The following ANKS1B variants were observed in gnomAD, a reference collection of about 807,000 sequenced individuals.
ANKS1B encodes ankyrin repeat and sterile alpha motif domain containing 1B.
ANKS1B carries 36 observed loss-of-function variants against 148.3 expected under a neutral mutation model. That is an observed-to-expected ratio of 0.24 (90% confidence interval 0.19 to 0.32). The LOEUF is 0.32. Among genes scored for constraint, ANKS1B ranks in the 10% least tolerant of loss-of-function variants. ANKS1B has a pLI of 1.00. For synonymous variants in ANKS1B, 542 were observed against 560.8 expected, an observed-to-expected ratio of 0.97 and a Z score of 0.47; for missense variants, 1,157 against 1,542.6, an observed-to-expected ratio of 0.75 and a Z score of 4.19.
intron 24 of ANKS1B, among the ~76,000 whole-genome samples, chr12:98,777,618 A>T (rs1400491234): frequency 6.6e-6 from 1 of 152,250 alleles, no homozygotes; most frequent in African/African-American, 2.4e-5. Flanking sequence ...TGATTTATCT[A>T]AAACACTTTA....
intron 10 of ANKS1B, among the ~76,000 whole-genome samples, chr12:99,474,133 G>A (rs2096281150): frequency 6.6e-6 from 1 of 151,980 alleles, no homozygotes. Flanking sequence ...CTTAGACTTA[G>A]TACATCTGTT....
At chr12:99,925,608 A>G (rs2094461867) in intron 1 of ANKS1B, among the ~76,000 whole-genome samples, 1 of 152,134 alleles carries the variant, frequency 6.6e-6, no homozygotes, top group Non-Finnish European at 1.5e-5. Flanking sequence ...CTTGCTTTAT[A>G]TATTGGAGCT....
chr12:99,967,271 A>G (rs1451262746), intron 1 of ANKS1B, among the ~76,000 whole-genome samples: 1 of 152,188 alleles, frequency 6.6e-6, no homozygotes, highest in African/African-American at 2.4e-5. Context: ...ATCTTTAACC[A>G]TTCCAACTCT....
At chr12:99,337,548 T>A (rs990001636) in intron 12 of ANKS1B, among the ~76,000 whole-genome samples, 1 of 152,148 alleles carries the variant, frequency 6.6e-6, no homozygotes, top group African/African-American at 2.4e-5. Context: ...ATAGTCTTGA[T>A]GCTTGTGGAT....
intron 22 of ANKS1B, chr12:98,795,109 C>T: frequency 1.8e-6 from 1 of 552,982 alleles, no homozygotes; most frequent in Non-Finnish European, 3.2e-6. Flanking sequence ...ACCTTGCCAT[C>T]TAATGGCACT....
intron 10 of ANKS1B, among the ~76,000 whole-genome samples, chr12:99,444,710 CA>C (rs920053254): frequency 1.3e-5 from 2 of 151,254 alleles, no homozygotes; most frequent in Non-Finnish European, 3.0e-5. Context: ...TCAAATCTGC[CA>C]AAAAAATAAA....
At chr12:99,936,386 C>T (rs1295372570) in intron 1 of ANKS1B, among the ~76,000 whole-genome samples, 3 of 152,318 alleles carry the variant, frequency 2.0e-5, no homozygotes, top group East Asian at 3.9e-4. Flanking sequence ...GTGGCTCACA[C>T]CTGTAATCCC....
At chr12:99,236,210 A>G (rs921500681) in intron 14 of ANKS1B, among the ~76,000 whole-genome samples, 11 of 152,202 alleles carry the variant, frequency 7.2e-5, no homozygotes, top group African/African-American at 2.7e-4. Context: ...GGATAATACT[A>G]TTGGGTTTTC....
chr12:98,752,019 A>G (rs1384692734), intron 25 of ANKS1B, among the ~76,000 whole-genome samples: 1 of 152,208 alleles, frequency 6.6e-6, no homozygotes, highest in Admixed American at 6.5e-5. Flanking sequence ...TTGTGTATTC[A>G]GTGAAAGGCT....
At chr12:99,528,867 A>G (rs2096958487) in intron 9 of ANKS1B, among the ~76,000 whole-genome samples, 1 of 152,228 alleles carries the variant, frequency 6.6e-6, no homozygotes, top group Admixed American at 6.5e-5. Flanking sequence ...AGATATTATT[A>G]GAAACATTTG....
chr12:99,254,233 G>A (rs2074991349), intron 12 of ANKS1B, among the ~76,000 whole-genome samples: 1 of 152,316 alleles, frequency 6.6e-6, no homozygotes, highest in Admixed American at 6.5e-5. Context: ...GTGTAAGAAT[G>A]TACTTGCCTG....
chr12:98,808,559 C>G (rs2099068811), intron 19 of ANKS1B, among the ~76,000 whole-genome samples: 1 of 152,110 alleles, frequency 6.6e-6, no homozygotes, highest in Non-Finnish European at 1.5e-5. Context: ...CAGTTCTGTT[C>G]CTCAAGCAGA....
chr12:99,279,840 C>T (rs951862071), intron 12 of ANKS1B, among the ~76,000 whole-genome samples: 1 of 151,730 alleles, frequency 6.6e-6, no homozygotes, highest in Non-Finnish European at 1.5e-5. Context: ...ATGGTGAAAC[C>T]CCATCTCTAA....
intron 22 of ANKS1B, among the ~76,000 whole-genome samples, chr12:98,793,088 A>G (rs533596507): frequency 6.6e-6 from 1 of 152,312 alleles, no homozygotes; most frequent in African/African-American, 2.4e-5. Flanking sequence ...CCAACAATGT[A>G]CAAGGGTTCT....
At chr12:99,464,340 GA>G (rs1176515951) in intron 10 of ANKS1B, among the ~76,000 whole-genome samples, 3 of 152,080 alleles carry the variant, frequency 2.0e-5, no homozygotes, top group African/African-American at 7.2e-5. Flanking sequence ...CAAAGATGGG[GA>G]AAAAACAGAG....
At chr12:99,328,889 A>G (rs2152262319) in intron 12 of ANKS1B, among the ~76,000 whole-genome samples, 1 of 152,116 alleles carries the variant, frequency 6.6e-6, no homozygotes, top group East Asian at 1.9e-4. Context: ...GAGATCTGAA[A>G]GATATATAAA....
At chr12:98,755,862 G>GT (rs986135795) in intron 25 of ANKS1B, among the ~76,000 whole-genome samples, 8 of 152,058 alleles carry the variant, frequency 5.3e-5, no homozygotes, top group African/African-American at 1.7e-4. Flanking sequence ...CTCCCCTCCC[G>GT]TGCACACCAT....
chr12:99,579,815 G>C (rs2097553100), intron 9 of ANKS1B, among the ~76,000 whole-genome samples: 1 of 152,056 alleles, frequency 6.6e-6, no homozygotes, highest in East Asian at 1.9e-4. Flanking sequence ...ATTTAAGTCA[G>C]AACTACCATT....
At chr12:99,128,915 C>T (rs1265063875) in intron 15 of ANKS1B, among the ~76,000 whole-genome samples, 1 of 152,202 alleles carries the variant, frequency 6.6e-6, no homozygotes, top group East Asian at 1.9e-4. Context: ...AATAGAGCCA[C>T]TCTTTGACTG....
Sources: allele counts gnomAD v4.1 joint callset (sites outside exome capture counted in the v4.1 genomes callset), GRCh38; gene constraint gnomAD v4.1.1; transcripts MANE v1.5; gene names NCBI Gene and HGNC (gene_info 2026-07-23, HGNC 2026-07-21).